The following SFI1 variants were observed in gnomAD, a reference collection of about 807,000 sequenced individuals.
SFI1 encodes the protein SFI1 centrin binding protein.
Under a neutral mutation model 207.5 loss-of-function variants are expected in SFI1, and 195 were observed. That is an observed-to-expected ratio of 0.94 (90% CI 0.84 to 1.06). SFI1 has a LOEUF of 1.06. SFI1 is among the 50% of genes least tolerant of loss of function. SFI1 has a pLI of 0.00. For missense variants in SFI1, 1,634 were observed against 1,588.0 expected, an observed-to-expected ratio of 1.03 and a Z score of -0.49; for synonymous variants, 630 against 598.9, an observed-to-expected ratio of 1.05 and a Z score of -0.76.
chr22:31,543,639 A>G (rs1365227675), intron 4 of SFI1, among the ~76,000 whole-genome samples: 1 of 151,562 alleles, frequency 6.6e-6, no homozygotes, highest in Non-Finnish European at 1.5e-5. Context: ...GCAAAACCCC[A>G]TCTTTACTAA....
intron 2 of SFI1, among the ~76,000 whole-genome samples, chr22:31,511,936 G>A (rs867701248): frequency 3.2e-4 from 48 of 152,166 alleles, no homozygotes; most frequent in African/African-American, 1.1e-3. Context: ...ACAGGTGTGA[G>A]TCACCGTGCC....
intron 4 of SFI1, among the ~76,000 whole-genome samples, chr22:31,540,911 G>A (rs2059421461): frequency 6.6e-6 from 1 of 152,180 alleles, no homozygotes; most frequent in South Asian, 2.1e-4. Flanking sequence ...TGCAAGCAGG[G>A]AAAGGGATGG....
chr22:31,569,156 A>G (rs775222564), intron 8 of SFI1, among the ~76,000 whole-genome samples: 9 of 152,188 alleles, frequency 5.9e-5, no homozygotes, highest in Admixed American at 3.3e-4. Context: ...CTGAAGGAAT[A>G]CTAGAACTAG....
At position 31,589,497 on chromosome 22, in the gene SFI1, T is replaced by C. The variant is rs374937312; in HGVS notation, c.1464T>C (p.Ala488=). ...DGHFQQRALP[A]AFHTWNRLWR... The stretch of plus-strand genomic sequence containing the variant: ...ATTTCCAGCAGAGAGCCCTGCCTGC[T>C]GCCTTCCACACATGGAACAGACTCT... Residue 488 remains alanine (A), a synonymous_variant, in exon 15 of 33, where the codon GCT becomes GCC. Transcript: ENST00000400288. The C allele has an allele frequency of 2.7e-5, 43 of 1,613,974 alleles. No homozygotes were observed. The highest frequency in any genetic ancestry group is 3.3e-4 in the Middle Eastern group (2 of 6,084).
At chr22:31,544,494 T>C (rs946190130) in intron 4 of SFI1, among the ~76,000 whole-genome samples, 84 of 152,144 alleles carry the variant, frequency 5.5e-4, no homozygotes, top group African/African-American at 1.9e-3. Flanking sequence ...TTCATGGTGT[T>C]TGAAAAGTCA....
chr22:31,566,196 C>G (rs2062290157), intron 8 of SFI1, among the ~76,000 whole-genome samples: 1 of 151,382 alleles, frequency 6.6e-6, no homozygotes, highest in Non-Finnish European at 1.5e-5. Context: ...CAGGTTCAAG[C>G]AATTCTTCTG....
Position 31,528,728 on chromosome 22 carries a change from C to T in SFI1, c.131C>T (p.Ala44Val), listed in dbSNP as rs1290381235. ...GGTGCAGTTAAGAAACCTTATTCTGCAAAGACACTGTCCAACAAGAAGTCT... is the reference window on the plus strand; with the variant it reads ...GGTGCAGTTAAGAAACCTTATTCTGTAAAGACACTGTCCAACAAGAAGTCT... ...KDGAVKKPYS[A>V]KTLSNKKSSA... Residue 44 changes from alanine to valine, a missense_variant, in exon 3 of 33, where the codon GCA becomes GTA. Transcript: ENST00000400288. 2 of 1,614,020 alleles carry T rather than the reference C, an allele frequency of 1.2e-6. No homozygotes were observed. Among genetic ancestry groups the T allele is most frequent in the South Asian group, 2.2e-5 (2 of 91,088 alleles).
chr22:31,615,012 G>A (rs1421812224), intron 28 of SFI1, 36 bp from the exon 29 acceptor site: 7 of 1,602,564 alleles, frequency 4.4e-6, no homozygotes, highest in Non-Finnish European at 6.0e-6. Flanking sequence ...GGAGGGTCCT[G>A]TGGCCTGACC....
At chr22:31,576,229 T>A (rs2063479222) in intron 10 of SFI1, among the ~76,000 whole-genome samples, 1 of 152,128 alleles carries the variant, frequency 6.6e-6, no homozygotes, top group Non-Finnish European at 1.5e-5. Context: ...TTCGCCATGT[T>A]GGCCAGGCTG....
In SFI1 at chr22:31,593,987, C is replaced by G. The variant is rs1240746194; in HGVS notation, c.1544+4410C>G. Among the ~76,000 whole-genome samples the G allele has an allele frequency of 5.3e-3, 283 of 53,186 alleles. 2 individuals carry two copies. The highest frequency in any genetic ancestry group is 0.016 in the African/African-American group (267 of 17,030). The allele number at this position is 53,186 out of a possible 152,430, so 34.9% of individuals were successfully genotyped here. ...GAGGGAGACCATGGGGAGACGGAGA[C>G]GAGGGAGAGGGAGAGGGACAGGGAG... On this transcript the variant is annotated intron_variant, in intron 15 of 32. Coordinates refer to ENST00000400288, the MANE Select transcript of SFI1 (RefSeq NM_001007467.3).
intron 9 of SFI1, 50 bp downstream of exon 9, chr22:31,573,264 C>G: frequency 1.3e-6 from 2 of 1,576,906 alleles, no homozygotes; most frequent in Non-Finnish European, 1.7e-6. Context: ...GTCACAGTTT[C>G]ACTCTCCTGC....
intron 8 of SFI1, among the ~76,000 whole-genome samples, chr22:31,565,437 C>A (rs1448080149): frequency 6.6e-6 from 1 of 151,444 alleles, no homozygotes; most frequent in Non-Finnish European, 1.5e-5. Context: ...GTGGCCTACA[C>A]CTGAATACTA....
At position 31,617,097 on chromosome 22, in the gene SFI1, CCTG is replaced by C; in HGVS notation, c.3512+21_3512+23del. 2 of 1,613,464 alleles carry C rather than the reference CCTG, an allele frequency of 1.2e-6. No homozygotes were observed. Among genetic ancestry groups the C allele is most frequent in the Non-Finnish European group, 1.7e-6 (2 of 1,179,734 alleles). On this transcript the variant is annotated intron_variant, in intron 31 of 32. Coordinates refer to ENST00000400288, the MANE Select transcript of SFI1 (RefSeq NM_001007467.3). Reference sequence around the variant, plus strand: ...ACCTCTGGTGAGCCCTGCGAAACGCCCTGCAGCCCTGGCTACAGGAGCAGGTGT... The same window carrying C: ...ACCTCTGGTGAGCCCTGCGAAACGCCCAGCCCTGGCTACAGGAGCAGGTGT...
intron 5 of SFI1, 66 bp from the exon 6 acceptor site, chr22:31,550,188 G>T (rs897158312): frequency 1.6e-6 from 2 of 1,284,532 alleles, no homozygotes; most frequent in African/African-American, 2.9e-5. Context: ...TAGGGTTACA[G>T]GTGTGAGCCA....
intron 4 of SFI1, among the ~76,000 whole-genome samples, chr22:31,538,948 C>T (rs1318589706): frequency 6.6e-6 from 1 of 152,154 alleles, no homozygotes; most frequent in Non-Finnish European, 1.5e-5. Context: ...CGTGACAACT[C>T]CACTGGGTGT....
Position 31,605,023 on chromosome 22 carries a change from C to T in SFI1, c.2054+78C>T. ...CCAAACCCCAGCCTTTTAGGGGGTC[C>T]TGCTGAGGGCCAGGTCGGGGATGAT... On this transcript the variant is annotated intron_variant, in intron 20 of 32. Transcript: ENST00000400288. 3 of 1,283,960 alleles carry T rather than the reference C, an allele frequency of 2.3e-6. No individual in the cohort carries two copies. In the South Asian group the frequency reaches 4.5e-5, roughly 19 times the overall value. The allele number at this position is 1,283,960 out of a possible 1,614,324, so 79.5% of individuals were successfully genotyped here.
chr22:31,516,744 C>T (rs548709990), intron 2 of SFI1, among the ~76,000 whole-genome samples: 4 of 151,654 alleles, frequency 2.6e-5, no homozygotes, highest in South Asian at 4.2e-4. Context: ...CACCTGAGGT[C>T]GGGAGTTCGA....
intron 5 of SFI1, among the ~76,000 whole-genome samples, chr22:31,547,681 G>A (rs563385878): frequency 4.0e-5 from 6 of 149,242 alleles, no homozygotes; most frequent in South Asian, 2.1e-4. Context: ...GTGCAATGGC[G>A]CCATCTTGAC....
chr22:31,508,404 A>G, intron 2 of SFI1, 28 bp downstream of exon 2: 2 of 1,437,756 alleles, frequency 1.4e-6, no homozygotes, highest in Non-Finnish European at 2.0e-6. Flanking sequence ...AGAAAAAAAT[A>G]TAACTGGAAT....
Sources: gnomAD v4.1 joint callset for allele counts (sites outside exome capture counted in the v4.1 genomes callset) on GRCh38, gnomAD v4.1.1 for gene constraint, MANE v1.5 for transcripts, NCBI Gene and HGNC (gene_info 2026-07-23, HGNC 2026-07-21) for gene names.